GRIP1: variants seen among roughly 807,000 people sequenced by gnomAD.
The protein encoded by GRIP1 is glutamate receptor interacting protein 1.
Under a neutral mutation model 129.9 loss-of-function variants are expected in GRIP1, and 45 were observed. The ratio of observed to expected loss-of-function variants is 0.35; its 90% CI spans 0.27 to 0.44. The LOEUF is 0.44. GRIP1 is among the 20% of genes least tolerant of loss of function. GRIP1 has a pLI of 1.00. For missense variants in GRIP1, 1,196 were observed against 1,396.8 expected, an observed-to-expected ratio of 0.86 and a Z score of 2.29; for synonymous variants, 530 against 520.8, an observed-to-expected ratio of 1.02 and a Z score of -0.24.
intron 1 of GRIP1, among the ~76,000 whole-genome samples, chr12:66,755,439 C>G (rs2037256968): frequency 2.6e-5 from 4 of 152,102 alleles, no homozygotes; most frequent in Admixed American, 2.6e-4. Context: ...AATATCAAAG[C>G]CTTTTACATT....
At position 66,810,131 on chromosome 12, in the gene GRIP1, A is replaced by C. The variant is rs545966178; in HGVS notation, c.59-213204T>G. Among the ~76,000 whole-genome samples, 148 of 152,346 alleles carry C rather than the reference A, an allele frequency of 9.7e-4. 3 individuals are homozygous for C. The South Asian group carries it at 0.03, about 31-fold the overall frequency. On this transcript the variant is annotated intron_variant, in intron 1 of 1. Transcript: ENST00000643019. ...CCATTCCATACATCATACAGAAAAT[A>C]AAAAGGTAGACAGGTAGATATCAGA...
At chr12:66,739,443 G>C (rs192775464) in intron 1 of GRIP1, among the ~76,000 whole-genome samples, 1 of 152,064 alleles carries the variant, frequency 6.6e-6, no homozygotes, top group East Asian at 1.9e-4. Flanking sequence ...GGAATCTTTG[G>C]CTCCAAGCCC....
At chr12:66,449,498 A>C (rs2058717619) in intron 11 of GRIP1, among the ~76,000 whole-genome samples, 1 of 152,162 alleles carries the variant, frequency 6.6e-6, no homozygotes, top group Non-Finnish European at 1.5e-5. Flanking sequence ...TCTCAGCTGG[A>C]TTAAGGTTAA....
chr12:66,647,703 T>C (rs575641608), intron 1 of GRIP1, among the ~76,000 whole-genome samples: 1 of 152,192 alleles, frequency 6.6e-6, no homozygotes, highest in Non-Finnish European at 1.5e-5. Context: ...CTTAGAGATA[T>C]CATGGTAAAA....
At chr12:66,803,258 C>G (rs2038909318) in intron 1 of GRIP1, among the ~76,000 whole-genome samples, 1 of 152,202 alleles carries the variant, frequency 6.6e-6, no homozygotes, top group African/African-American at 2.4e-5. Flanking sequence ...AAATGTAGAT[C>G]ATACATAACT....
At chr12:66,702,336 T>C (rs1285533992) in intron 1 of GRIP1, among the ~76,000 whole-genome samples, 4 of 152,200 alleles carry the variant, frequency 2.6e-5, no homozygotes, top group African/African-American at 9.6e-5. Context: ...CTAATAGTGC[T>C]CTAGAATTAT....
intron 15 of GRIP1, 26 bp downstream of exon 15, chr12:66,420,694 T>C: frequency 1.6e-6 from 2 of 1,270,252 alleles, no homozygotes; most frequent in Non-Finnish European, 2.3e-6. Context: ...GGCCTTAAAA[T>C]GAATCAGAAA....
intron 1 of GRIP1, among the ~76,000 whole-genome samples, chr12:66,928,074 C>T (rs980953482): frequency 5.9e-5 from 9 of 152,204 alleles, no homozygotes; most frequent in Admixed American, 1.3e-4. Context: ...AGAAATGGAG[C>T]AAGGCACTGT....
intron 1 of GRIP1, among the ~76,000 whole-genome samples, chr12:66,847,592 T>C (rs2039840750): frequency 6.6e-6 from 1 of 152,192 alleles, no homozygotes; most frequent in Admixed American, 6.5e-5. Flanking sequence ...ATGTGAACTT[T>C]GAAGGTAAAA....
At chr12:67,067,078 GAGAA>G (rs2135910123) in intron 1 of GRIP1, among the ~76,000 whole-genome samples, 1 of 151,964 alleles carries the variant, frequency 6.6e-6, no homozygotes, top group South Asian at 2.1e-4. Context: ...TAATTAAAGT[GAGAA>G]AGAAGAAACC....
chr12:67,018,510 GC>G (rs2042820821), intron 1 of GRIP1, among the ~76,000 whole-genome samples: 1 of 152,192 alleles, frequency 6.6e-6, no homozygotes, highest in Non-Finnish European at 1.5e-5. Flanking sequence ...CTTTGTAGGT[GC>G]CTGGTTTTCC....
At chr12:66,762,402 A>G (rs2037503928) in intron 1 of GRIP1, among the ~76,000 whole-genome samples, 1 of 152,194 alleles carries the variant, frequency 6.6e-6, no homozygotes. Flanking sequence ...ATGAAAAACA[A>G]GGGGATGGAG....
At chr12:66,812,992 G>A (rs958169021) in intron 1 of GRIP1, among the ~76,000 whole-genome samples, 1 of 152,180 alleles carries the variant, frequency 6.6e-6, no homozygotes, top group Non-Finnish European at 1.5e-5. Flanking sequence ...GTGCATATGA[G>A]GGTAACACTC....
At chr12:67,005,253 T>C (rs1417458348) in intron 1 of GRIP1, among the ~76,000 whole-genome samples, 1 of 152,198 alleles carries the variant, frequency 6.6e-6, no homozygotes, top group Non-Finnish European at 1.5e-5. Context: ...TTTCCATCCC[T>C]TCTTCCATAG....
In GRIP1 at chr12:66,876,689, A is replaced by G. The variant is rs564858654; in HGVS notation, c.58+192361T>C. On this transcript the variant is annotated intron_variant, in intron 1 of 1. Coordinates refer to the GRIP1 transcript ENST00000643019. Reference sequence around the variant, plus strand: ...AGGAGGTGGTAGGACTAGGATAGAGATGCACAACTGGGGCAGCAACCACCA... The same window carrying G: ...AGGAGGTGGTAGGACTAGGATAGAGGTGCACAACTGGGGCAGCAACCACCA... Among the ~76,000 whole-genome samples, 5 of 152,022 alleles carry G rather than the reference A, an allele frequency of 3.3e-5. 1 individual carries two copies. The highest frequency in any genetic ancestry group is 1.3e-4 in the Admixed American group (2 of 15,242).
chr12:66,478,622 C>A (rs1592397098), intron 7 of GRIP1, among the ~76,000 whole-genome samples: 2 of 152,110 alleles, frequency 1.3e-5, no homozygotes, highest in Admixed American at 6.6e-5. Flanking sequence ...AGACTTGGAA[C>A]CAACCCAAAT....
chr12:66,614,472 T>C (rs977847810), intron 1 of GRIP1, among the ~76,000 whole-genome samples: 1 of 152,136 alleles, frequency 6.6e-6, no homozygotes, highest in Non-Finnish European at 1.5e-5. Context: ...AAGTTCTGTA[T>C]GCTCTTCCTT....
intron 1 of GRIP1, among the ~76,000 whole-genome samples, chr12:66,928,583 T>A (rs774920838): frequency 1.3e-5 from 2 of 152,142 alleles, no homozygotes; most frequent in Non-Finnish European, 2.9e-5. Context: ...TTTAAGAGAA[T>A]CATGGATCAC....
chr12:66,690,658 G>T (rs1426227424), intron 1 of GRIP1, among the ~76,000 whole-genome samples: 1 of 150,656 alleles, frequency 6.6e-6, no homozygotes, highest in Non-Finnish European at 1.5e-5. Context: ...CTGAGCTCAG[G>T]AGTTTATGAC....
Sources: allele counts gnomAD v4.1 joint callset (sites outside exome capture counted in the v4.1 genomes callset), GRCh38; gene constraint gnomAD v4.1.1; transcripts MANE v1.5; gene names NCBI Gene and HGNC (gene_info 2026-07-23, HGNC 2026-07-21).